Variants in STK38 observed in about 807,000 individuals in gnomAD.
STK38 encodes the protein serine/threonine-protein kinase 38.
A neutral mutation model predicts 59.0 loss-of-function variants in STK38; 26 were observed. That is an observed-to-expected ratio of 0.44 (90% CI 0.32 to 0.61). STK38 has a LOEUF of 0.61. STK38 is among the 20% of genes least tolerant of loss of function. The pLI is 0.04. For missense variants in STK38, 433 were observed against 566.0 expected, an observed-to-expected ratio of 0.76 and a Z score of 2.38; for synonymous variants, 175 against 176.6, an observed-to-expected ratio of 0.99 and a Z score of 0.07.
At chr6:36,510,133 CCTCT>C (rs1174149783) in intron 7 of STK38, among the ~76,000 whole-genome samples, 1 of 152,186 alleles carries the variant, frequency 6.6e-6, no homozygotes, top group Admixed American at 6.5e-5. Flanking sequence ...CACCCAGGAG[CCTCT>C]CTGCCTCTTA....
At position 36,540,097 on chromosome 6, in the gene STK38, C is replaced by G; in HGVS notation, c.106G>C (p.Ala36Pro). 6.2e-7 allele frequency: 1 copy of G among 1,613,950 alleles called. No individual in the cohort carries two copies. Among genetic ancestry groups the G allele is most frequent in the African/African-American group, 1.3e-5 (1 of 75,012 alleles). Residue 36 changes from alanine to proline, a missense_variant, in exon 2 of 14, where the codon GCT (alanine) becomes CCT (proline). Ala to Pro is a conservative substitution (Grantham distance 27). Transcript: ENST00000229812. ...CTCATTTCTCGTTCTTCATGTTGAG[C>G]GATAAGGTTGCTATAAAAATTCTCC... is the stretch of plus-strand genomic sequence containing the variant. Reference protein sequence around the residue: ...TLENFYSNLIAQHEEREMRQK... With the variant: ...TLENFYSNLIPQHEEREMRQK...
chr6:36,505,731 G>C (rs1776948316), intron 9 of STK38, among the ~76,000 whole-genome samples: 1 of 152,098 alleles, frequency 6.6e-6, no homozygotes, highest in Non-Finnish European at 1.5e-5. Context: ...GTTTCCCATT[G>C]CTGCTACTCT....
chr6:36,532,478 C>CA (rs987360779), intron 2 of STK38, among the ~76,000 whole-genome samples: 3 of 151,920 alleles, frequency 2.0e-5, no homozygotes, highest in African/African-American at 4.8e-5. Context: ...GCAGCTCATA[C>CA]AAAAAAGAGG....
intron 2 of STK38, among the ~76,000 whole-genome samples, chr6:36,532,698 A>G (rs1777695636): frequency 6.6e-6 from 1 of 152,164 alleles, no homozygotes; most frequent in African/African-American, 2.4e-5. Flanking sequence ...CAGGAATTCA[A>G]GACCAGACTG....
chr6:36,536,006 A>G (rs1777782221), intron 2 of STK38, among the ~76,000 whole-genome samples: 3 of 152,198 alleles, frequency 2.0e-5, no homozygotes, highest in African/African-American at 7.2e-5. Flanking sequence ...AAATGACCAA[A>G]GCTGGAGGAC....
chr6:36,508,912 C>A (rs185541003), intron 7 of STK38, among the ~76,000 whole-genome samples: 34 of 152,320 alleles, frequency 2.2e-4, no homozygotes, highest in Non-Finnish European at 3.7e-4. Context: ...GCTGTGGGCA[C>A]CTGCATCTGG....
chr6:36,498,119 G>A (rs887735355), intron 11 of STK38, among the ~76,000 whole-genome samples: 5 of 151,652 alleles, frequency 3.3e-5, no homozygotes, highest in Non-Finnish European at 5.9e-5. Context: ...CTTTTTAGAG[G>A]TGGGGTTTTG....
At chr6:36,496,922 G>A (rs1776718888) in intron 12 of STK38, 117 bp from the exon 13 acceptor site, 2 of 651,344 alleles carry the variant, frequency 3.1e-6, no homozygotes, top group Non-Finnish European at 5.0e-6. Flanking sequence ...TCACTGGCAG[G>A]CAGCATTTAT....
At chr6:36,511,433 T>G (rs1777106521) in intron 7 of STK38, among the ~76,000 whole-genome samples, 1 of 151,942 alleles carries the variant, frequency 6.6e-6, no homozygotes, top group Non-Finnish European at 1.5e-5. Context: ...CTTGGCTCAC[T>G]GCAACCTCTG....
At position 36,515,344 on chromosome 6, in the gene STK38, G is replaced by A; in HGVS notation, c.663C>T (p.Asp221=). The part of the protein sequence containing the change: ...RDIKPDNLLL[D]SKGHVKLSDF... ...GCCAATGCCCCCCCAATACCTTGCT[G>A]TCCAAAAGAAGGTTGTCTGGTTTGA... Residue 221 remains aspartate (D), a synonymous_variant, in exon 7 of 14, where the codon GAC becomes GAT. Transcript: ENST00000229812. 3 of 1,613,994 alleles carry A rather than the reference G, an allele frequency of 1.9e-6. No homozygotes were observed. The highest frequency in any genetic ancestry group is 2.5e-6 in the Non-Finnish European group (3 of 1,179,954).
At chr6:36,496,877 C>G (rs1052630204) in intron 12 of STK38, 72 bp from the exon 13 acceptor site, 4 of 1,078,672 alleles carry the variant, frequency 3.7e-6, no homozygotes, top group South Asian at 1.4e-5. Context: ...AGTCTTTCTC[C>G]AAAAAAGACC....
At chr6:36,514,433 A>G (rs1028327140) in intron 7 of STK38, among the ~76,000 whole-genome samples, 3 of 152,224 alleles carry the variant, frequency 2.0e-5, no homozygotes. Context: ...AGAAAAATTC[A>G]GTCAAGACAA....
intron 7 of STK38, 81 bp from the exon 8 acceptor site, chr6:36,507,683 T>C: frequency 1.7e-5 from 17 of 1,016,762 alleles, no homozygotes; most frequent in Non-Finnish European, 2.6e-5. Flanking sequence ...CCTTCCAGCA[T>C]CCATTATAGC....
At chr6:36,543,255 CAG>C (rs1777983074) in intron 1 of STK38, among the ~76,000 whole-genome samples, 1 of 151,906 alleles carries the variant, frequency 6.6e-6, no homozygotes, top group Non-Finnish European at 1.5e-5. Context: ...TTAGTAGAGA[CAG>C]GGTTTCACCG....
chr6:36,510,672 T>C (rs1777087842), intron 7 of STK38, among the ~76,000 whole-genome samples: 3 of 152,212 alleles, frequency 2.0e-5, no homozygotes, highest in Admixed American at 2.0e-4. Flanking sequence ...CTTTATAATT[T>C]TCATAAAGGA....
At chr6:36,546,640 C>A (rs1238595614) in intron 1 of STK38, among the ~76,000 whole-genome samples, 1 of 152,208 alleles carries the variant, frequency 6.6e-6, no homozygotes, top group Non-Finnish European at 1.5e-5. Flanking sequence ...TTTCCTCTGG[C>A]TGTTGCTTTT....
At chr6:36,541,115 G>T (rs1271396323) in intron 1 of STK38, among the ~76,000 whole-genome samples, 1 of 151,424 alleles carries the variant, frequency 6.6e-6, no homozygotes, top group Non-Finnish European at 1.5e-5. Context: ...AACCAGGATG[G>T]TCTCAAAACT....
chr6:36,498,575 T>TTTTTTTC (rs760724576), intron 10 of STK38, 89 bp from the exon 11 acceptor site: 1 of 1,461,116 alleles, frequency 6.8e-7, no homozygotes, highest in African/African-American at 1.5e-5. Context: ...TCTATGTCTT[T>TTTTTTTC]TTTTTTCTTT....
At chr6:36,525,908 C>T (rs1275522731) in intron 2 of STK38, among the ~76,000 whole-genome samples, 1 of 152,096 alleles carries the variant, frequency 6.6e-6, no homozygotes, top group African/African-American at 2.4e-5. Flanking sequence ...GGCTAGAATG[C>T]AGTGGCGCAA....
Sources: gnomAD v4.1 joint callset for allele counts (sites outside exome capture counted in the v4.1 genomes callset) on GRCh38, gnomAD v4.1.1 for gene constraint, MANE v1.5 for transcripts, NCBI Gene and HGNC (gene_info 2026-07-23, HGNC 2026-07-21) for gene names.